The following PTPRN2 variants were observed in gnomAD, a reference collection of about 807,000 sequenced individuals.
PTPRN2 encodes the protein protein tyrosine phosphatase receptor type N2.
In PTPRN2, 74 loss-of-function variants were observed where a neutral mutation model predicts 118.8. The ratio of observed to expected loss-of-function variants is 0.62; its 90% CI spans 0.52 to 0.76. PTPRN2 has a LOEUF of 0.76. Among genes scored for constraint, PTPRN2 ranks in the 30% least tolerant of loss-of-function variants. PTPRN2 has a pLI of 0.00. For synonymous variants in PTPRN2, 641 were observed against 608.0 expected (o/e 1.05, Z -0.80); for missense variants, 1,481 against 1,394.4 (o/e 1.06, Z -0.99).
chr7:158,448,546 G>A lies in PTPRN2; in HGVS notation c.163+41189C>T, dbSNP rs1471245417. On this transcript the variant is annotated intron_variant, in intron 2 of 22. Coordinates refer to ENST00000389418, the MANE Select transcript of PTPRN2 (RefSeq NM_002847.5). ...AGGAGCTGAGTCTTCACTGGCGCCTGATGCTGAATTTGAGGCCCCCAGGGG... is the reference window on the plus strand; with the variant it reads ...AGGAGCTGAGTCTTCACTGGCGCCTAATGCTGAATTTGAGGCCCCCAGGGG... Among the ~76,000 whole-genome samples, 9 of 152,158 alleles carry A rather than the reference G, an allele frequency of 5.9e-5. No individual in the cohort carries two copies. The East Asian group carries it at 1.7e-3, about 30-fold the overall frequency.
intron 11 of PTPRN2, among the ~76,000 whole-genome samples, chr7:158,053,850 G>C (rs1809534433): frequency 6.8e-6 from 1 of 147,780 alleles, no homozygotes; most frequent in Admixed American, 6.7e-5. Flanking sequence ...CAGAGACGCA[G>C]AGACTCCAGA....
intron 2 of PTPRN2, among the ~76,000 whole-genome samples, chr7:158,364,486 G>T (rs369039557): frequency 6.6e-6 from 1 of 152,164 alleles, no homozygotes; most frequent in South Asian, 2.1e-4. Flanking sequence ...CTCTTTTTCT[G>T]GTTTATAAAT....
intron 2 of PTPRN2, among the ~76,000 whole-genome samples, chr7:158,350,446 G>A (rs554268040): frequency 3.9e-5 from 6 of 152,236 alleles, no homozygotes; most frequent in Non-Finnish European, 8.8e-5. Flanking sequence ...GATGCTGACT[G>A]CGGGCCTGCT....
intron 13 of PTPRN2, among the ~76,000 whole-genome samples, chr7:157,665,081 G>A (rs1796071900): frequency 6.6e-6 from 1 of 152,212 alleles, no homozygotes; most frequent in Non-Finnish European, 1.5e-5. Context: ...CCTGCTTGCA[G>A]GGGCCCAAGG....
Position 157,799,064 on chromosome 7 carries a change from C to T in PTPRN2, c.1788+99609G>A, listed in dbSNP as rs545091852. 4.6e-5 allele frequency among the ~76,000 whole-genome samples: 7 copies of T among 152,320 alleles called. No homozygotes were observed. The South Asian group carries it at 6.2e-4, about 14-fold the overall frequency. On this transcript the variant is annotated intron_variant, in intron 12 of 22. Transcript: ENST00000389418. The stretch of plus-strand genomic sequence containing the variant: ...TTGGCCCCTAAATGTGACTGAATAA[C>T]GTGGCAAGCCCTTCAGACATGACAA...
At chr7:158,522,868 T>C (rs993965986) in intron 1 of PTPRN2, among the ~76,000 whole-genome samples, 6 of 152,124 alleles carry the variant, frequency 3.9e-5, no homozygotes, top group African/African-American at 1.4e-4. Context: ...TGCTTCTGTG[T>C]GTGGCAGATG....
At chr7:158,112,663 C>T (rs1302557607) in intron 9 of PTPRN2, among the ~76,000 whole-genome samples, 1 of 152,230 alleles carries the variant, frequency 6.6e-6, no homozygotes, top group Non-Finnish European at 1.5e-5. Context: ...ATGGGGACCC[C>T]AGCAGGGCGT....
At chr7:158,579,481 C>G (rs1424422533) in intron 1 of PTPRN2, among the ~76,000 whole-genome samples, 5 of 152,176 alleles carry the variant, frequency 3.3e-5, no homozygotes, top group African/African-American at 1.2e-4. Flanking sequence ...CATGAAGAAC[C>G]AGGTATTTTG....
intron 11 of PTPRN2, among the ~76,000 whole-genome samples, chr7:157,908,953 A>G (rs1797926859): frequency 6.6e-6 from 1 of 152,188 alleles, no homozygotes; most frequent in African/African-American, 2.4e-5. Flanking sequence ...TTACAGTTGA[A>G]TCATTTCTGT....
Position 158,373,859 on chromosome 7 carries a change from G to GGGGA in PTPRN2, c.164-56931_164-56928dup, listed in dbSNP as rs372892754. On this transcript the variant is annotated intron_variant, in intron 2 of 22. Transcript: ENST00000389418. Reference sequence around the variant, plus strand: ...GGGCGCCCTCTCTGGATGGGAGTGTGGGGAGGGCCCTCCCGTCTCTCTGCG... The same window carrying GGGGA: ...GGGCGCCCTCTCTGGATGGGAGTGTGGGGAGGGAGGGCCCTCCCGTCTCTCTGCG... Among the ~76,000 whole-genome samples the GGGGA allele has an allele frequency of 8.6e-3, 1,304 of 152,348 alleles. 17 individuals carry two copies. The highest frequency in any genetic ancestry group is 0.028 in the African/African-American group (1,174 of 41,586).
At position 158,550,294 on chromosome 7, in the gene PTPRN2, C is replaced by G. The variant is rs544171185; in HGVS notation, c.112+37264G>C. 1.3e-3 allele frequency among the ~76,000 whole-genome samples: 193 copies of G among 152,312 alleles called. 2 individuals carry two copies. Among genetic ancestry groups the G allele is most frequent in the African/African-American group, 4.4e-3 (182 of 41,566 alleles). On this transcript the variant is annotated intron_variant, in intron 1 of 22. Coordinates refer to ENST00000389418, the MANE Select transcript of PTPRN2 (RefSeq NM_002847.5). Reference sequence around the variant, plus strand: ...CCCGGCTCCCCACCAGCCTGCCCCTCAGGACATCTCCTGAGGCTGCCACTG... The same window carrying G: ...CCCGGCTCCCCACCAGCCTGCCCCTGAGGACATCTCCTGAGGCTGCCACTG...
At chr7:157,551,912 TGCACCCCATGGGCACCAC>T (rs1563205424) in intron 21 of PTPRN2, among the ~76,000 whole-genome samples, 1 of 23,000 alleles carries the variant, frequency 4.3e-5, no homozygotes, top group African/African-American at 1.7e-4. Context: ...ACAGCCAGCA[TGCACCCCATGGGCACCAC>T]GCACCCCACA....
intron 5 of PTPRN2, among the ~76,000 whole-genome samples, chr7:158,183,112 C>A (rs542922033): frequency 1.3e-5 from 2 of 152,184 alleles, no homozygotes; most frequent in Non-Finnish European, 2.9e-5. Context: ...AATGCTCCTG[C>A]TCACTTTTGG....
chr7:158,263,669 G>A (rs1797685874), intron 3 of PTPRN2, among the ~76,000 whole-genome samples: 1 of 152,198 alleles, frequency 6.6e-6, no homozygotes, highest in Non-Finnish European at 1.5e-5. Flanking sequence ...GGCTTCTGTG[G>A]CCTGCTGGCT....
intron 11 of PTPRN2, among the ~76,000 whole-genome samples, chr7:157,989,957 A>G (rs1726489653): frequency 6.6e-6 from 1 of 152,054 alleles, no homozygotes; most frequent in Admixed American, 6.5e-5. Context: ...CTGCAAAGAA[A>G]ACTCTTCTGG....
intron 13 of PTPRN2, among the ~76,000 whole-genome samples, chr7:157,656,844 CCA>C (rs746304890): frequency 0.048 from 5,864 of 123,328 alleles, 521 homozygotes; most frequent in African/African-American, 0.15. Context: ...CACACACACA[CCA>C]CACACACACA....
chr7:158,267,050 G>C (rs2001313), intron 3 of PTPRN2, among the ~76,000 whole-genome samples: 36,306 of 152,110 alleles, frequency 0.24, 4,606 homozygotes, highest in Middle Eastern at 0.32. Flanking sequence ...CTGCAGCGTC[G>C]TCTCCAGTGA....
At chr7:157,902,418 G>A (rs57836125) in intron 11 of PTPRN2, among the ~76,000 whole-genome samples, 7 of 134,510 alleles carry the variant, frequency 5.2e-5, no homozygotes, top group East Asian at 2.4e-4. Flanking sequence ...GACCAGCCCC[G>A]CGGTGGCCTG....
rs1170426385 is a variant in PTPRN2, at chr7:157,682,951, A to T, written c.1789-14T>A. The T allele has an allele frequency of 6.3e-6, 10 of 1,587,816 alleles. No homozygotes were observed. Among genetic ancestry groups the T allele is most frequent in the Non-Finnish European group, 8.6e-6 (10 of 1,157,550 alleles). On this transcript the variant is annotated splice_polypyrimidine_tract_variant and intron_variant, in intron 12 of 22. Coordinates refer to ENST00000389418, the MANE Select transcript of PTPRN2 (RefSeq NM_002847.5). ...GAGTTTGCTTTTCTGCAGAACAAGG[A>T]GAGAGGGGTGTGTTAGCTCCTGACA...
Sources: allele counts gnomAD v4.1 joint callset (sites outside exome capture counted in the v4.1 genomes callset), GRCh38; gene constraint gnomAD v4.1.1; transcripts MANE v1.5; gene names NCBI Gene and HGNC (gene_info 2026-07-23, HGNC 2026-07-21).